The following RNGTT variants were observed in gnomAD, a reference collection of about 807,000 sequenced individuals.
RNGTT encodes RNA guanylyltransferase and 5'-phosphatase.
In RNGTT, 33 loss-of-function variants were observed where a neutral mutation model predicts 79.3. That is an observed-to-expected ratio of 0.42 (90% CI 0.32 to 0.56). The LOEUF (loss-of-function observed/expected upper bound fraction) is 0.56, where lower values mean the gene tolerates loss of function less well. Among genes scored for constraint, RNGTT ranks in the 20% least tolerant of loss-of-function variants. The pLI is 0.17. For synonymous variants in RNGTT, 222 were observed against 235.9 expected (o/e 0.94, Z 0.54); for missense variants, 497 against 739.1 (o/e 0.67, Z 3.80).
At chr6:88,733,415 C>CA (rs912171262) in intron 13 of RNGTT, among the ~76,000 whole-genome samples, 130 of 132,580 alleles carry the variant, frequency 9.8e-4, no homozygotes, top group African/African-American at 3.4e-3. Flanking sequence ...ATGCAAAGAG[C>CA]AAAAAAAAGA....
chr6:88,806,483 A>G (rs1779959501), intron 11 of RNGTT, among the ~76,000 whole-genome samples: 1 of 151,484 alleles, frequency 6.6e-6, no homozygotes, highest in African/African-American at 2.4e-5. Flanking sequence ...CACCTGGCTA[A>G]TTTTTGTCTT....
intron 13 of RNGTT, among the ~76,000 whole-genome samples, chr6:88,687,155 A>G (rs965179892): frequency 3.3e-5 from 5 of 152,348 alleles, no homozygotes; most frequent in Middle Eastern, 6.8e-3. Context: ...ATTCAAAAAT[A>G]TAAAACATGG....
chr6:88,752,301 A>G (rs927416710), intron 13 of RNGTT, among the ~76,000 whole-genome samples: 3 of 152,082 alleles, frequency 2.0e-5, no homozygotes, highest in African/African-American at 7.2e-5. Context: ...AGAGCTATTT[A>G]ATTTATTCCT....
chr6:88,733,106 C>T (rs1052642526), intron 13 of RNGTT, among the ~76,000 whole-genome samples: 3 of 152,136 alleles, frequency 2.0e-5, no homozygotes, highest in Non-Finnish European at 4.4e-5. Flanking sequence ...CACCTGTAAT[C>T]CCAGCACTTT....
intron 14 of RNGTT, among the ~76,000 whole-genome samples, chr6:88,623,165 T>A (rs761587944): frequency 4.0e-5 from 6 of 151,520 alleles, no homozygotes; most frequent in Non-Finnish European, 5.9e-5. Flanking sequence ...ACACACACAC[T>A]TAAGACAGTG....
chr6:88,798,415 T>C (rs563677281), intron 12 of RNGTT, among the ~76,000 whole-genome samples: 102 of 151,616 alleles, frequency 6.7e-4, no homozygotes, highest in Non-Finnish European at 1.5e-4. Flanking sequence ...CAGTAAGCCA[T>C]GTTTGTGCCA....
At chr6:88,820,528 T>C (rs541955254) in intron 11 of RNGTT, among the ~76,000 whole-genome samples, 1 of 152,274 alleles carries the variant, frequency 6.6e-6, no homozygotes, top group South Asian at 2.1e-4. Context: ...ATGCAGAAAG[T>C]ATGAAAAGAA....
chr6:88,772,663 A>T (rs1778728871), intron 12 of RNGTT, among the ~76,000 whole-genome samples: 1 of 152,240 alleles, frequency 6.6e-6, no homozygotes. Flanking sequence ...GCCGAAGGAC[A>T]TGAACAGACA....
intron 14 of RNGTT, among the ~76,000 whole-genome samples, chr6:88,633,970 T>C (rs1310857167): frequency 6.6e-6 from 1 of 152,196 alleles, no homozygotes; most frequent in Non-Finnish European, 1.5e-5. Context: ...TAAGGCATCC[T>C]ATTGCATCAT....
rs79961798 is a variant in RNGTT, at chr6:88,736,973, T to C, written c.1439+32801A>G. On this transcript the variant is annotated intron_variant, in intron 13 of 15. Transcript: ENST00000369485. ...TGGTTTCAACAAGCTAGGTTATTGCTACCCAGGAGCCTTGGAGGCAGGAGT... is the reference window on the plus strand; with the variant it reads ...TGGTTTCAACAAGCTAGGTTATTGCCACCCAGGAGCCTTGGAGGCAGGAGT... Among the ~76,000 whole-genome samples, 87 of 152,266 alleles carry C rather than the reference T, an allele frequency of 5.7e-4. 1 individual carries two copies. The East Asian group carries it at 0.01, about 18-fold the overall frequency.
intron 14 of RNGTT, among the ~76,000 whole-genome samples, chr6:88,627,502 C>A (rs9451038): frequency 0.03 from 4,544 of 152,160 alleles, 225 homozygotes; most frequent in African/African-American, 0.1. Flanking sequence ...CAACTATTCA[C>A]CTCTGCCTTT....
intron 14 of RNGTT, among the ~76,000 whole-genome samples, chr6:88,671,638 C>A (rs946120975): frequency 3.3e-5 from 5 of 152,126 alleles, no homozygotes; most frequent in African/African-American, 1.2e-4. Flanking sequence ...AAAGAGCCTG[C>A]AAAGCCAAAG....
chr6:88,844,989 C>A (rs1436441774), intron 10 of RNGTT, among the ~76,000 whole-genome samples: 2 of 151,942 alleles, frequency 1.3e-5, no homozygotes, highest in East Asian at 3.9e-4. Flanking sequence ...AATATACTTA[C>A]TATTTATAGG....
At chr6:88,950,607 A>G (rs1276344807) in intron 1 of RNGTT, among the ~76,000 whole-genome samples, 2 of 152,192 alleles carry the variant, frequency 1.3e-5, no homozygotes, top group South Asian at 2.1e-4. Flanking sequence ...GAGGAGTTCA[A>G]GACTTCAGTG....
intron 13 of RNGTT, among the ~76,000 whole-genome samples, chr6:88,717,694 A>T (rs1489167217): frequency 6.6e-6 from 1 of 152,156 alleles, no homozygotes; most frequent in African/African-American, 2.4e-5. Context: ...AGAAAAGAAA[A>T]GCCCCAAGAA....
At chr6:88,913,501 C>T (rs1783903629) in intron 4 of RNGTT, among the ~76,000 whole-genome samples, 1 of 152,090 alleles carries the variant, frequency 6.6e-6, no homozygotes, top group Admixed American at 6.6e-5. Flanking sequence ...CATCAAAAAG[C>T]TAATTCACTG....
At chr6:88,787,155 G>C (rs1263502351) in intron 12 of RNGTT, among the ~76,000 whole-genome samples, 9 of 152,124 alleles carry the variant, frequency 5.9e-5, no homozygotes, top group African/African-American at 1.9e-4. Flanking sequence ...ATCACTGTTT[G>C]TGAATAATAT....
intron 11 of RNGTT, among the ~76,000 whole-genome samples, chr6:88,834,565 T>A (rs1300011743): frequency 6.6e-6 from 1 of 152,204 alleles, no homozygotes; most frequent in East Asian, 1.9e-4. Flanking sequence ...ACTGAAAATC[T>A]CTATGTGTGA....
At chr6:88,791,169 TA>T (rs1245889219) in intron 12 of RNGTT, among the ~76,000 whole-genome samples, 1 of 150,670 alleles carries the variant, frequency 6.6e-6, no homozygotes, top group African/African-American at 2.4e-5. Flanking sequence ...CAATTTTTTT[TA>T]AAAAACAATT....
Sources: allele counts gnomAD v4.1 joint callset (sites outside exome capture counted in the v4.1 genomes callset), GRCh38; gene constraint gnomAD v4.1.1; transcripts MANE v1.5; gene names NCBI Gene and HGNC (gene_info 2026-07-23, HGNC 2026-07-21).